TMEM108: variants seen among roughly 807,000 people sequenced by gnomAD.
TMEM108 encodes the protein transmembrane protein 108.
In TMEM108, 12 loss-of-function variants were observed where a neutral mutation model predicts 35.1. The ratio of observed to expected loss-of-function variants is 0.34; its 90% CI spans 0.22 to 0.55. The LOEUF (loss-of-function observed/expected upper bound fraction) is 0.55. Among genes scored for constraint, TMEM108 ranks in the 20% least tolerant of loss-of-function variants. The pLI is 0.89. For missense variants in TMEM108, 680 were observed against 753.3 expected (o/e 0.90, Z 1.14); for synonymous variants, 287 against 308.6 (o/e 0.93, Z 0.73).
chr3:133,384,693 C>A (rs762804122), intron 4 of TMEM108, among the ~76,000 whole-genome samples: 3 of 152,206 alleles, frequency 2.0e-5, no homozygotes, highest in Admixed American at 2.0e-4. Context: ...GAAGCCTCCA[C>A]GCCTGGCGCT....
intron 2 of TMEM108, among the ~76,000 whole-genome samples, chr3:133,067,722 T>A (rs1943628177): frequency 6.6e-6 from 1 of 152,134 alleles, no homozygotes; most frequent in East Asian, 1.9e-4. Flanking sequence ...TAAACAAGTA[T>A]GTGATAAGTT....
intron 3 of TMEM108, among the ~76,000 whole-genome samples, chr3:133,265,681 T>C (rs74633552): frequency 0.013 from 1,929 of 152,280 alleles, 16 homozygotes; most frequent in Non-Finnish European, 0.019. Flanking sequence ...GCGGAAAGCC[T>C]GAATGAGATC....
chr3:133,074,985 A>T (rs1237278923), intron 2 of TMEM108, among the ~76,000 whole-genome samples: 1 of 152,146 alleles, frequency 6.6e-6, no homozygotes, highest in Non-Finnish European at 1.5e-5. Context: ...TGTTGTATTC[A>T]TGTGTTATAA....
At chr3:133,108,513 A>T (rs913765094) in intron 2 of TMEM108, among the ~76,000 whole-genome samples, 6 of 149,870 alleles carry the variant, frequency 4.0e-5, no homozygotes, top group Admixed American at 6.7e-5. Flanking sequence ...TAGATTCTGG[A>T]TATTAGCCCT....
intron 2 of TMEM108, among the ~76,000 whole-genome samples, chr3:133,139,257 T>C (rs548409772): frequency 6.6e-6 from 1 of 152,368 alleles, no homozygotes; most frequent in African/African-American, 2.4e-5. Flanking sequence ...GAATGATTTA[T>C]AATCCTTTGG....
At chr3:133,297,778 G>C (rs1015976163) in intron 3 of TMEM108, among the ~76,000 whole-genome samples, 2 of 152,182 alleles carry the variant, frequency 1.3e-5, no homozygotes, top group Non-Finnish European at 2.9e-5. Flanking sequence ...GCACACTGCT[G>C]TATTCATGTT....
chr3:133,198,779 A>C (rs899509052), intron 2 of TMEM108, among the ~76,000 whole-genome samples: 3 of 152,086 alleles, frequency 2.0e-5, no homozygotes, highest in Admixed American at 6.5e-5. Flanking sequence ...GCTCTTCTCG[A>C]GGTGTGTCTT....
rs966903708 is a variant in TMEM108 at position 133,257,649 on chromosome 3, A to G, written c.40+28298A>G. Among the ~76,000 whole-genome samples, 6 of 152,326 alleles carry G rather than the reference A, an allele frequency of 3.9e-5. No homozygotes were observed. The East Asian group carries it at 1.2e-3, about 29-fold the overall frequency. ...TTAGACTAATATTAAAAACTTAGAT[A>G]TGCCTCTCTTCCTTCCCCATCTTTG... On this transcript the variant is annotated intron_variant, in intron 3 of 5. Coordinates refer to ENST00000321871, the MANE Select transcript of TMEM108 (RefSeq NM_023943.4).
intron 1 of TMEM108, among the ~76,000 whole-genome samples, chr3:133,045,175 A>T (rs1468778118): frequency 1.3e-5 from 2 of 152,072 alleles, no homozygotes; most frequent in African/African-American, 4.8e-5. Flanking sequence ...TCACCATGTT[A>T]GCCAGGCTGG....
At chr3:133,275,361 G>C (rs1946824967) in intron 3 of TMEM108, among the ~76,000 whole-genome samples, 1 of 152,144 alleles carries the variant, frequency 6.6e-6, no homozygotes, top group South Asian at 2.1e-4. Flanking sequence ...TATTTAACCA[G>C]TATATGCAAA....
chr3:133,283,546 G>A (rs564931871), intron 3 of TMEM108, among the ~76,000 whole-genome samples: 1 of 152,288 alleles, frequency 6.6e-6, no homozygotes, highest in South Asian at 2.1e-4. Context: ...CAGAATCTGA[G>A]CAACCAGAAA....
intron 5 of TMEM108, among the ~76,000 whole-genome samples, chr3:133,391,275 A>C (rs2107861277): frequency 6.6e-6 from 1 of 152,340 alleles, no homozygotes; most frequent in Admixed American, 6.5e-5. Flanking sequence ...ACACAGAAAG[A>C]CAGACTAAAA....
intron 3 of TMEM108, among the ~76,000 whole-genome samples, chr3:133,317,270 A>G (rs2071211501): frequency 6.6e-6 from 1 of 152,146 alleles, no homozygotes; most frequent in Admixed American, 6.5e-5. Flanking sequence ...ATGGCCTTTA[A>G]AAAAAACTGT....
At chr3:133,133,576 A>G (rs1944521208) in intron 2 of TMEM108, among the ~76,000 whole-genome samples, 1 of 152,104 alleles carries the variant, frequency 6.6e-6, no homozygotes. Context: ...AAGGAAGATC[A>G]TATGCCATTT....
At chr3:133,149,631 A>G (rs1944769163) in intron 2 of TMEM108, among the ~76,000 whole-genome samples, 2 of 152,176 alleles carry the variant, frequency 1.3e-5, no homozygotes, top group Non-Finnish European at 2.9e-5. Context: ...CACTTAACAT[A>G]ACATCCTCTA....
intron 3 of TMEM108, among the ~76,000 whole-genome samples, chr3:133,306,119 T>C (rs1010056647): frequency 6.6e-6 from 1 of 152,196 alleles, no homozygotes; most frequent in African/African-American, 2.4e-5. Flanking sequence ...TTGATAAAGT[T>C]CGATTTATTG....
At chr3:133,058,154 A>G (rs562332248) in intron 2 of TMEM108, among the ~76,000 whole-genome samples, 1 of 152,250 alleles carries the variant, frequency 6.6e-6, no homozygotes, top group African/African-American at 2.4e-5. Context: ...GAGAAGAGAG[A>G]TGTATAGCAG....
intron 2 of TMEM108, among the ~76,000 whole-genome samples, chr3:133,100,571 C>T (rs999313930): frequency 1.3e-5 from 2 of 152,192 alleles, no homozygotes; most frequent in African/African-American, 2.4e-5. Context: ...TGCCACTGAA[C>T]ACCAGCCTGG....
chr3:133,141,824 A>G (rs1576341366), intron 2 of TMEM108, among the ~76,000 whole-genome samples: 1 of 152,188 alleles, frequency 6.6e-6, no homozygotes. Context: ...CTGGAATGGA[A>G]GTTGAAACTT....
Sources: allele counts gnomAD v4.1 joint callset (sites outside exome capture counted in the v4.1 genomes callset), GRCh38; gene constraint gnomAD v4.1.1; transcripts MANE v1.5; gene names NCBI Gene and HGNC (gene_info 2026-07-23, HGNC 2026-07-21).